Variants in ADORA2B observed in about 807,000 individuals in gnomAD.
ADORA2B encodes the protein adenosine receptor A2b.
ADORA2B carries 18 observed loss-of-function variants against 20.8 expected under a neutral mutation model. The observed-to-expected ratio is 0.87, with a 90% CI of 0.60 to 1.29. ADORA2B has a LOEUF of 1.29. Ranked by LOEUF, ADORA2B falls within the 50% of genes most tolerant of loss-of-function variation. The pLI is 0.00. For synonymous variants in ADORA2B, 179 were observed against 178.3 expected, an observed-to-expected ratio of 1.00 and a Z score of -0.03; for missense variants, 441 against 422.7, an observed-to-expected ratio of 1.04 and a Z score of -0.38.
the ADORA2B span, among the ~76,000 whole-genome samples, chr17:15,927,497 A>T: frequency 1.5e-4 from 22 of 151,480 alleles, no homozygotes; most frequent in South Asian, 4.2e-4. Flanking sequence ...AAAAAAAAAA[A>T]TTTGCTGGGT....
chr17:15,960,632 G>A (rs1970023056), intron 1 of ADORA2B, among the ~76,000 whole-genome samples: 1 of 150,470 alleles, frequency 6.6e-6, no homozygotes, highest in Non-Finnish European at 1.5e-5. Context: ...AGCACTTTGG[G>A]AGGCGAAGGC....
upstream of ADORA2B, among the ~76,000 whole-genome samples, chr17:15,942,919 C>T (rs1969757400): frequency 2.0e-5 from 3 of 152,184 alleles, no homozygotes; most frequent in African/African-American, 4.8e-5. Flanking sequence ...GTGAAGCCTC[C>T]CTCACTCTGT....
the ADORA2B span, among the ~76,000 whole-genome samples, chr17:15,913,136 C>T: frequency 6.6e-6 from 1 of 152,188 alleles, no homozygotes; most frequent in Non-Finnish European, 1.5e-5. Flanking sequence ...TGGCACTTGC[C>T]CACCCTGTGT....
intron 1 of ADORA2B, among the ~76,000 whole-genome samples, chr17:15,969,663 A>G (rs1266719879): frequency 1.3e-5 from 2 of 152,182 alleles, no homozygotes; most frequent in Non-Finnish European, 2.9e-5. Context: ...GTTGATCTGC[A>G]AGACCTGTTG....
chr17:15,972,258 G>T (rs896411294), intron 1 of ADORA2B, among the ~76,000 whole-genome samples: 1 of 152,150 alleles, frequency 6.6e-6, no homozygotes, highest in Admixed American at 6.5e-5. Flanking sequence ...AGGCTGGGGG[G>T]TTCTGCGGCC....
chr17:15,966,566 G>A lies in ADORA2B; in HGVS notation c.336-8113G>A, dbSNP rs963669214. The stretch of plus-strand genomic sequence containing the variant: ...GTTATGCAGGCCTTGGCGGTTCCCC[G>A]TTTCCTTACGTAACCTCAGTGTTCA... On this transcript the variant is annotated intron_variant, in intron 1 of 1. Coordinates refer to ENST00000304222, the MANE Select transcript of ADORA2B (RefSeq NM_000676.4). 9.2e-5 allele frequency among the ~76,000 whole-genome samples: 14 copies of A among 152,354 alleles called. 1 individual carries two copies. The highest frequency in any genetic ancestry group is 6.2e-4 in the South Asian group (3 of 4,826).
At chr17:15,857,814 T>C in the ADORA2B span, among the ~76,000 whole-genome samples, 1 of 152,130 alleles carries the variant, frequency 6.6e-6, no homozygotes, top group African/African-American at 2.4e-5. Context: ...AGTGGACTAA[T>C]ACACTCACAT....
Position 15,945,341 on chromosome 17 carries a change from G to T in ADORA2B, c.93G>T (p.Ala31=), listed in dbSNP as rs1395688424. ...SVAGNVLVCA[A]VGTANTLQTP... ...CGGGCAACGTGCTGGTGTGCGCCGC[G>T]GTGGGCACGGCGAACACTCTGCAGA... The change falls in exon 1 of 2, where the codon GCG becomes GCT. Residue 31 remains alanine, a synonymous_variant. Coordinates refer to ENST00000304222, the MANE Select transcript of ADORA2B (RefSeq NM_000676.4). The T allele has an allele frequency of 6.2e-7, 1 of 1,605,668 alleles. No individual in the cohort carries two copies. The highest frequency in any genetic ancestry group is 8.5e-7 in the Non-Finnish European group (1 of 1,178,290).
chr17:15,975,384 A>G lies in ADORA2B; in HGVS notation c.*42A>G. On this transcript the variant is annotated 3_prime_UTR_variant, in exon 2 of 2. Coordinates refer to ENST00000304222, the MANE Select transcript of ADORA2B (RefSeq NM_000676.4). The stretch of plus-strand genomic sequence containing the variant: ...TTCCAGGAGAAGATACAAATCCACA[A>G]GAAACAAAGAGGACACGGCTGGTTT... The G allele has an allele frequency of 1.3e-6, 2 of 1,571,134 alleles. No homozygotes were observed. The highest frequency in any genetic ancestry group is 8.6e-7 in the Non-Finnish European group (1 of 1,159,482).
chr17:15,895,225 C>G, the ADORA2B span, among the ~76,000 whole-genome samples: 6 of 152,102 alleles, frequency 3.9e-5, no homozygotes, highest in Admixed American at 3.9e-4. Flanking sequence ...TAAAAAACAC[C>G]TTCACGGAAA....
At chr17:15,854,262 T>A in the ADORA2B span, among the ~76,000 whole-genome samples, 1 of 152,182 alleles carries the variant, frequency 6.6e-6, no homozygotes, top group Admixed American at 6.5e-5. Flanking sequence ...GCCTCAGAGA[T>A]ACATTTAAAA....
the ADORA2B span, among the ~76,000 whole-genome samples, chr17:15,914,059 G>T: frequency 6.6e-6 from 1 of 152,188 alleles, no homozygotes; most frequent in Non-Finnish European, 1.5e-5. Flanking sequence ...GCACCTAGGC[G>T]GGCTGCCCCG....
At chr17:15,899,978 C>T in the ADORA2B span, among the ~76,000 whole-genome samples, 4 of 151,846 alleles carry the variant, frequency 2.6e-5, no homozygotes, top group Admixed American at 6.6e-5. Context: ...ATTACAGGCA[C>T]GTGCCACCAT....
chr17:15,864,549 C>G, the ADORA2B span, among the ~76,000 whole-genome samples: 1 of 151,938 alleles, frequency 6.6e-6, no homozygotes, highest in Non-Finnish European at 1.5e-5. Flanking sequence ...CTGAAATGAG[C>G]TGATAGGGAT....
the ADORA2B span, among the ~76,000 whole-genome samples, chr17:15,864,346 C>T: frequency 6.6e-5 from 10 of 152,210 alleles, no homozygotes; most frequent in Non-Finnish European, 1.5e-5. Flanking sequence ...TGGGTGTATG[C>T]AGAGCTGCAT....
chr17:15,867,656 TC>T, the ADORA2B span, among the ~76,000 whole-genome samples: 1 of 145,610 alleles, frequency 6.9e-6, no homozygotes, highest in African/African-American at 2.6e-5. Context: ...AGCCGCCCCA[TC>T]CGGGAGGGAG....
At chr17:15,923,043 G>A in the ADORA2B span, among the ~76,000 whole-genome samples, 38 of 150,748 alleles carry the variant, frequency 2.5e-4, no homozygotes, top group African/African-American at 8.5e-4. Flanking sequence ...TTTTTTTTGA[G>A]ATGGGGTCTG....
chr17:15,881,596 C>CG, the ADORA2B span, among the ~76,000 whole-genome samples: 1 of 152,308 alleles, frequency 6.6e-6, no homozygotes, highest in East Asian at 1.9e-4. Context: ...TTCCTATTCC[C>CG]GGTCTTCAAC....
At chr17:15,857,299 A>G in the ADORA2B span, among the ~76,000 whole-genome samples, 4 of 152,230 alleles carry the variant, frequency 2.6e-5, no homozygotes, top group Non-Finnish European at 5.9e-5. Context: ...CCAGGCAGAA[A>G]TCTGCTGCAG....
Sources: gnomAD v4.1 joint callset for allele counts (sites outside exome capture counted in the v4.1 genomes callset) on GRCh38, gnomAD v4.1.1 for gene constraint, MANE v1.5 for transcripts, NCBI Gene and HGNC (gene_info 2026-07-23, HGNC 2026-07-21) for gene names.